Variants in TMTC3 observed in about 807,000 individuals in gnomAD.
The protein encoded by TMTC3 is protein O-mannosyl-transferase TMTC3.
TMTC3 carries 52 observed loss-of-function variants against 92.2 expected under a neutral mutation model. The observed-to-expected ratio is 0.56, with a 90% CI of 0.45 to 0.71. TMTC3 has a LOEUF of 0.71. TMTC3 is among the 30% of genes least tolerant of loss of function. The pLI, the probability that TMTC3 is intolerant of heterozygous loss-of-function variation, is 0.00. For missense variants in TMTC3, 896 were observed against 1,057.1 expected, an observed-to-expected ratio of 0.85 and a Z score of 2.11; for synonymous variants, 339 against 363.3, an observed-to-expected ratio of 0.93 and a Z score of 0.76.
In TMTC3 at chr12:88,195,118, C is replaced by G; in HGVS notation, c.2214C>G (p.Gly738=). ...GATACTACCCTGATCATATCAAGGGCCTCATTTTAAAAGGAGACATTCTGA... is the reference window on the plus strand; with the variant it reads ...GATACTACCCTGATCATATCAAGGGGCTCATTTTAAAAGGAGACATTCTGA... ...LLRYYPDHIK[G]LILKGDILMN... Residue 738 remains glycine (G), a synonymous_variant, in exon 14 of 14, where the codon GGC becomes GGG. Transcript: ENST00000266712. 1.2e-6 allele frequency: 2 copies of G among 1,613,778 alleles called. No homozygotes were observed. Among genetic ancestry groups the G allele is most frequent in the South Asian group, 2.2e-5 (2 of 91,068 alleles).
Position 88,142,323 on chromosome 12 carries a change from C to G in TMTC3, c.-193C>G, listed in dbSNP as rs962593974. ...GCAACGCGTAAGACTGCGACGGTAC[C>G]GGGGCGGCGGGGAAGGACCGAGAGG... On this transcript the variant is annotated 5_prime_UTR_variant, in exon 1 of 14. Coordinates refer to ENST00000266712, the MANE Select transcript of TMTC3 (RefSeq NM_181783.4). 1.3e-5 allele frequency: 2 copies of G among 152,814 alleles called. No homozygotes were observed. Among genetic ancestry groups the G allele is most frequent in the African/African-American group, 4.8e-5 (2 of 41,464 alleles). 9.5% of individuals were successfully genotyped at this position (152,814 alleles called of 1,614,324 possible). A position where few individuals can be genotyped will look rare whatever the true frequency, so the allele number is the denominator to read the frequency against.
chr12:88,179,459 TA>T (rs1483774235), intron 10 of TMTC3, among the ~76,000 whole-genome samples: 1 of 152,208 alleles, frequency 6.6e-6, no homozygotes, highest in African/African-American at 2.4e-5. Flanking sequence ...TGGGTTATGT[TA>T]AATACTGGTT....
In TMTC3 at chr12:88,198,803, T is replaced by C. The variant is rs2041546637; in HGVS notation, c.*3154T>C. On this transcript the variant is annotated 3_prime_UTR_variant, in exon 14 of 14. Coordinates refer to ENST00000266712, the MANE Select transcript of TMTC3 (RefSeq NM_181783.4). ...TTCAGAAATCCATATATTTGTCATATTTATTTTTTTAGAAACCTCCTAATT... is the reference window on the plus strand; with the variant it reads ...TTCAGAAATCCATATATTTGTCATACTTATTTTTTTAGAAACCTCCTAATT... 1 of 158,826 alleles carries C rather than the reference T, an allele frequency of 6.3e-6. No homozygotes were observed. Among genetic ancestry groups the C allele is most frequent in the South Asian group, 2.0e-4 (1 of 4,906 alleles). The allele number at this position is 158,826 out of a possible 1,614,324, so 9.8% of individuals were successfully genotyped here.
At position 88,160,795 on chromosome 12, in the gene TMTC3, A is replaced by G. The variant is rs776941667; in HGVS notation, c.741A>G (p.Leu247=). 1.2e-6 allele frequency: 2 copies of G among 1,613,460 alleles called. No individual in the cohort carries two copies. The highest frequency in any genetic ancestry group is 1.7e-6 in the Non-Finnish European group (2 of 1,179,670). Residue 247 remains leucine, a synonymous_variant, in exon 6 of 14, where the codon TTA becomes TTG. Coordinates refer to ENST00000266712, the MANE Select transcript of TMTC3 (RefSeq NM_181783.4). ...VKLIVLMFST[L]LLVVIRVQVI... is the part of the protein sequence containing the mutation. ...TCATTGTCTTGATGTTCAGTACATT[A>G]TTACTTGTTGTGATTAGAGTCCAGG...
intron 2 of TMTC3, among the ~76,000 whole-genome samples, chr12:88,151,191 C>T (rs1231659662): frequency 6.6e-6 from 1 of 152,162 alleles, no homozygotes; most frequent in East Asian, 1.9e-4. Flanking sequence ...TTGTTTAAGT[C>T]ATCCAGGTGA....
intron 10 of TMTC3, among the ~76,000 whole-genome samples, chr12:88,187,532 C>T (rs1199950383): frequency 6.6e-6 from 1 of 151,854 alleles, no homozygotes; most frequent in African/African-American, 2.4e-5. Context: ...TTTTGCTTGA[C>T]CCCTCCTGGC....
rs759667255 is a variant in TMTC3, at chr12:88,195,223, A to C, written c.2319A>C (p.Gly773=). The C allele has an allele frequency of 2.5e-6, 4 of 1,613,930 alleles. No homozygotes were observed. Among genetic ancestry groups the C allele is most frequent in the Non-Finnish European group, 3.4e-6 (4 of 1,179,934 alleles). Residue 773 remains glycine (G), a synonymous_variant, in exon 14 of 14, where the codon GGA becomes GGC. Transcript: ENST00000266712. ...AGATGGATCCAAGCAATGTGCAAGG[A>C]AAACACAATCTTTGTGTTGTTTATT... ...ILEMDPSNVQ[G]KHNLCVVYFE...
chr12:88,152,678 A>C (rs2040957484), intron 2 of TMTC3, among the ~76,000 whole-genome samples: 1 of 152,198 alleles, frequency 6.6e-6, no homozygotes, highest in Non-Finnish European at 1.5e-5. Flanking sequence ...TTTATTACCA[A>C]AGGAGAATAC....
At chr12:88,182,388 G>C (rs1268357196) in intron 10 of TMTC3, among the ~76,000 whole-genome samples, 5 of 152,160 alleles carry the variant, frequency 3.3e-5, no homozygotes, top group African/African-American at 1.2e-4. Context: ...AGGCTGTATT[G>C]CCCTTTAGGA....
intron 10 of TMTC3, among the ~76,000 whole-genome samples, chr12:88,181,863 G>A (rs956874920): frequency 1.4e-4 from 21 of 152,138 alleles, no homozygotes; most frequent in African/African-American, 4.6e-4. Flanking sequence ...TTTTACCAGA[G>A]CCATCAGTGA....
At position 88,173,203 on chromosome 12, in the gene TMTC3, A is replaced by T. The variant is rs1031345420; in HGVS notation, c.1199+458A>T. On this transcript the variant is annotated intron_variant, in intron 8 of 13. Coordinates refer to ENST00000266712, the MANE Select transcript of TMTC3 (RefSeq NM_181783.4). ...TGTATCCTAGTTGCCTCAAACTAAC[A>T]GTTAAGGAACAGCATAGTCACACTG... 3 of 738,258 alleles carry T rather than the reference A, an allele frequency of 4.1e-6. No individual in the cohort carries two copies. In the Admixed American group the frequency reaches 1.1e-4, roughly 27 times the overall value. 45.7% of individuals were successfully genotyped at this position (738,258 alleles called of 1,614,324 possible).
rs1565941864 is a variant in TMTC3 at position 88,148,344 on chromosome 12, C to T, written c.29C>T (p.Thr10Ile). 3.1e-6 allele frequency: 5 copies of T among 1,612,756 alleles called. No individual in the cohort carries two copies. Among genetic ancestry groups the T allele is most frequent in the Non-Finnish European group, 4.2e-6 (5 of 1,179,410 alleles). ...GCTAATATTAACCTAAAAGAAATAA[C>T]CTTAATAGTAGGTGTGGTTACTGCC... is the stretch of plus-strand genomic sequence containing the variant. MANINLKEI[T>I]LIVGVVTACY... The change falls in exon 2 of 14, where the codon ACC becomes ATC. Residue 10 changes from threonine (T) to isoleucine (I), a missense_variant. Physicochemically the swap from Thr to Ile is moderately conservative, Grantham distance 89 (BLOSUM62 -1). Transcript: ENST00000266712.
At chr12:88,143,326 C>T (rs1275668312) in intron 1 of TMTC3, among the ~76,000 whole-genome samples, 1 of 152,240 alleles carries the variant, frequency 6.6e-6, no homozygotes, top group South Asian at 2.1e-4. Context: ...ATTTTAAAGA[C>T]ATTAGTTAGA....
At chr12:88,147,331 A>T (rs182806915) in intron 1 of TMTC3, among the ~76,000 whole-genome samples, 4 of 152,240 alleles carry the variant, frequency 2.6e-5, no homozygotes, top group African/African-American at 9.6e-5. Flanking sequence ...AAGTGAATTG[A>T]TGTTACCAAG....
At position 88,161,196 on chromosome 12, in the gene TMTC3, G is replaced by A. The variant is rs530500657; in HGVS notation, c.797+345G>A. On this transcript the variant is annotated intron_variant, in intron 6 of 13. Transcript: ENST00000266712. ...ATCTCTGACTATACTTGTAGATTTC[G>A]CTATTTCTCCTTGCACTTCTGTCGG... 4.4e-4 allele frequency among the ~76,000 whole-genome samples: 67 copies of A among 152,116 alleles called. No homozygotes were observed. In the South Asian group the frequency reaches 0.011, roughly 25 times the overall value.
chr12:88,167,262 G>A (rs1028835362), intron 7 of TMTC3, among the ~76,000 whole-genome samples: 4 of 151,960 alleles, frequency 2.6e-5, no homozygotes, highest in Non-Finnish European at 5.9e-5. Context: ...TGGGTAGCTG[G>A]GTGTGGTAGT....
intron 10 of TMTC3, among the ~76,000 whole-genome samples, chr12:88,182,950 G>A (rs755897017): frequency 2.5e-4 from 38 of 152,256 alleles, no homozygotes; most frequent in East Asian, 5.8e-4. Flanking sequence ...TTGAGGAATC[G>A]CCACGGGGGA....
intron 10 of TMTC3, among the ~76,000 whole-genome samples, chr12:88,187,625 C>T (rs2041393243): frequency 6.6e-6 from 1 of 152,174 alleles, no homozygotes; most frequent in Admixed American, 6.5e-5. Context: ...ACCTGGACCG[C>T]ATCTGCCAGT....
Position 88,195,589 on chromosome 12 carries a change from GAA to G in TMTC3, c.2688_2689del (p.Arg897SerfsTer11). Reference protein sequence around the residue: ...TTKDIKEIEKKRVAALKRLEE... With the variant: ...TTKDIKEIEKXRVAALKRLEE... ...CAAAAGACATCAAAGAAATTGAGAA[GAA>G]AAGAGTTGCTGCTTTAAAAAGACTA... On this transcript the variant is annotated frameshift_variant, in exon 14 of 14. Coordinates refer to ENST00000266712, the MANE Select transcript of TMTC3 (RefSeq NM_181783.4). LOFTEE classifies it high-confidence loss of function. 6.2e-7 allele frequency: 1 copy of G among 1,604,544 alleles called. No individual in the cohort carries two copies. Among genetic ancestry groups the G allele is most frequent in the Non-Finnish European group, 8.5e-7 (1 of 1,177,620 alleles).
Sources: allele counts gnomAD v4.1 joint callset (sites outside exome capture counted in the v4.1 genomes callset), GRCh38; gene constraint gnomAD v4.1.1; transcripts MANE v1.5; gene names NCBI Gene and HGNC (gene_info 2026-07-23, HGNC 2026-07-21).